Variants in WDTC1 observed in about 807,000 individuals in gnomAD.
The protein encoded by WDTC1 is WD and tetratricopeptide repeats 1.
WDTC1 carries 12 observed loss-of-function variants against 76.0 expected under a neutral mutation model. That is an observed-to-expected ratio of 0.16 (90% CI 0.10 to 0.26). The LOEUF (loss-of-function observed/expected upper bound fraction) is 0.26, where lower values mean the gene tolerates loss of function less well. Among genes scored for constraint, WDTC1 ranks in the 10% least tolerant of loss-of-function variants. WDTC1 has a pLI of 1.00. For synonymous variants in WDTC1, 326 were observed against 350.8 expected (o/e 0.93, Z 0.79); for missense variants, 511 against 908.8 (o/e 0.56, Z 5.63).
At chr1:27,296,194 C>A in intron 9 of WDTC1, 132 bp from the exon 10 acceptor site, 2 of 1,082,198 alleles carry the variant, frequency 1.8e-6, no homozygotes, top group Non-Finnish European at 2.8e-6. Flanking sequence ...CTTAGGATAG[C>A]TTGATTGTTC....
chr1:27,262,311 T>C (rs1407750837), intron 2 of WDTC1, among the ~76,000 whole-genome samples: 1 of 152,144 alleles, frequency 6.6e-6, no homozygotes, highest in African/African-American at 2.4e-5. Context: ...GGATTGAGTA[T>C]GTGCCTCTAC....
intron 3 of WDTC1, among the ~76,000 whole-genome samples, chr1:27,279,818 A>G (rs1233751676): frequency 3.9e-5 from 6 of 152,152 alleles, no homozygotes; most frequent in African/African-American, 1.4e-4. Flanking sequence ...CCTCCTGCCT[A>G]GCCTCCCAAA....
chr1:27,267,248 TC>T (rs996239044), intron 3 of WDTC1, among the ~76,000 whole-genome samples: 2 of 151,732 alleles, frequency 1.3e-5, no homozygotes, highest in Non-Finnish European at 2.9e-5. Flanking sequence ...TGGATTACTT[TC>T]TTTTTTTTTT....
Position 27,274,781 on chromosome 1 carries a change from G to A in WDTC1, c.133-7458G>A, listed in dbSNP as rs1444283502. On this transcript the variant is annotated intron_variant, in intron 3 of 15. Coordinates refer to ENST00000319394, the MANE Select transcript of WDTC1 (RefSeq NM_001276252.2). The surrounding 1 kb of genome is among the most constrained non-coding windows in gnomAD (Gnocchi z 4.2). ...TTGGGGAGTTGCTTGCTTTCATTTT[G>A]TATGTATTACCAGGGATCTCCCAAG... Among the ~76,000 whole-genome samples the A allele has an allele frequency of 6.6e-6, 1 of 152,030 alleles. No homozygotes were observed.
chr1:27,255,833 T>G (rs2012259247), intron 1 of WDTC1, among the ~76,000 whole-genome samples: 1 of 152,108 alleles, frequency 6.6e-6, no homozygotes, highest in Non-Finnish European at 1.5e-5. Context: ...CCTCCCAAAG[T>G]GCTCGGATTA....
rs1022149157 is a variant in WDTC1 at position 27,307,502 on chromosome 1, TC to T, written c.*1121del. 1 of 153,828 alleles carries T rather than the reference TC, an allele frequency of 6.5e-6. No homozygotes were observed. The highest frequency in any genetic ancestry group is 1.5e-5 in the Non-Finnish European group (1 of 68,866). 9.5% of individuals were successfully genotyped at this position (153,828 alleles called of 1,614,324 possible). Reference sequence around the variant, plus strand: ...CCAGCTGCTCCAGGTAGTTGGTTCATCCTTCCCCCTCTCTCCCTCCCTGCTT... The same window carrying T: ...CCAGCTGCTCCAGGTAGTTGGTTCATCTTCCCCCTCTCTCCCTCCCTGCTT... On this transcript the variant is annotated 3_prime_UTR_variant, in exon 16 of 16. Transcript: ENST00000319394. The surrounding 1 kb of genome is among the most constrained non-coding windows in gnomAD (Gnocchi z 4.1).
intron 1 of WDTC1, among the ~76,000 whole-genome samples, chr1:27,246,525 A>G (rs144035216): frequency 1.1e-3 from 174 of 151,710 alleles, no homozygotes; most frequent in Admixed American, 3.2e-3. Context: ...TGCTGCTCTG[A>G]GTATTCATGT....
chr1:27,247,762 A>G (rs971718210), intron 1 of WDTC1, among the ~76,000 whole-genome samples: 4 of 142,888 alleles, frequency 2.8e-5, no homozygotes, highest in Non-Finnish European at 6.0e-5. Context: ...CTTGTTGCCC[A>G]GCCTGGAGTG....
chr1:27,283,371 G>A lies in WDTC1; in HGVS notation c.213G>A (p.Thr71=). The A allele has an allele frequency of 6.2e-6, 10 of 1,613,728 alleles. No individual in the cohort carries two copies. The highest frequency in any genetic ancestry group is 1.6e-4 in the Middle Eastern group (1 of 6,062). ...LLASGSDDQH[T]IVWDPLHHKK... The stretch of plus-strand genomic sequence containing the variant: ...CCTCTGGTTCCGATGACCAGCACAC[G>A]ATTGTGTGGGACCCGCTGCACCACA... Residue 71 remains threonine (T), a synonymous_variant, in exon 5 of 16, where the codon ACG becomes ACA. Transcript: ENST00000319394.
At chr1:27,298,132 G>A (rs2013741027) in intron 12 of WDTC1, 21 bp downstream of exon 12, 2 of 1,567,842 alleles carry the variant, frequency 1.3e-6, no homozygotes, top group African/African-American at 2.7e-5. Context: ...ACTGCAGAGG[G>A]GATCTGGGTC....
intron 2 of WDTC1, among the ~76,000 whole-genome samples, chr1:27,262,479 C>T (rs745673936): frequency 6.6e-6 from 1 of 152,096 alleles, no homozygotes; most frequent in Non-Finnish European, 1.5e-5. Context: ...ACCTCCACCT[C>T]CCAGGTTCAA....
At chr1:27,279,767 A>G (rs577706858) in intron 3 of WDTC1, among the ~76,000 whole-genome samples, 3 of 152,208 alleles carry the variant, frequency 2.0e-5, no homozygotes, top group East Asian at 1.9e-4. Flanking sequence ...GCATCTCACT[A>G]TGTTGTCCAG....
intron 1 of WDTC1, among the ~76,000 whole-genome samples, chr1:27,237,080 C>CCGACCT (rs1298490968): frequency 6.6e-6 from 1 of 152,148 alleles, no homozygotes; most frequent in East Asian, 1.9e-4. Flanking sequence ...TCGTGATCCA[C>CCGACCT]CGACCTCGGC....
Position 27,306,420 on chromosome 1 carries a change from T to A in WDTC1, c.*37T>A. On this transcript the variant is annotated 3_prime_UTR_variant, in exon 16 of 16. Transcript: ENST00000319394. This position sits in a 1 kb window ranked among gnomAD's most constrained non-coding sequence, Gnocchi z 5.0. ...CTGGTCCCCAGCCCCTGCTACTGGC[T>A]GGACCCTCTGCCCTGGGCAGGAGGT... is the stretch of plus-strand genomic sequence containing the variant. 1 of 1,597,314 alleles carries A rather than the reference T, an allele frequency of 6.3e-7. No homozygotes were observed. Among genetic ancestry groups the A allele is most frequent in the South Asian group, 1.1e-5 (1 of 90,546 alleles).
At position 27,301,589 on chromosome 1, in the gene WDTC1, C is replaced by T; in HGVS notation, c.1468+128C>T. ...AGATGTTGATTCAGAAACCATGCAACTTTGGGGCAGTTACTTGGTGTCTCT... is the reference window on the plus strand; with the variant it reads ...AGATGTTGATTCAGAAACCATGCAATTTTGGGGCAGTTACTTGGTGTCTCT... On this transcript the variant is annotated intron_variant, in intron 13 of 15. Transcript: ENST00000319394. This position sits in a 1 kb window ranked among gnomAD's most constrained non-coding sequence, Gnocchi z 5.8. 9.3e-7 allele frequency: 1 copy of T among 1,074,232 alleles called. No homozygotes were observed. Among genetic ancestry groups the T allele is most frequent in the Non-Finnish European group, 1.3e-6 (1 of 748,754 alleles). 66.5% of individuals were successfully genotyped at this position (1,074,232 alleles called of 1,614,324 possible). A position where few individuals can be genotyped will look rare whatever the true frequency, so the allele number is the denominator to read the frequency against.
At chr1:27,252,084 G>A (rs1014005779) in intron 1 of WDTC1, among the ~76,000 whole-genome samples, 2 of 151,868 alleles carry the variant, frequency 1.3e-5, no homozygotes, top group Non-Finnish European at 2.9e-5. Context: ...GGTGGCTCAT[G>A]CCTGTAATCC....
Position 27,303,314 on chromosome 1 carries a change from C to T in WDTC1, c.1469-307C>T, listed in dbSNP as rs1252701498. On this transcript the variant is annotated intron_variant, in intron 13 of 15. Transcript: ENST00000319394. The surrounding 1 kb of genome is among the most constrained non-coding windows in gnomAD (Gnocchi z 4.8). Reference sequence around the variant, plus strand: ...TCTCTTTGCTAGTGCCTCACTCTACCCTCCCCTGCCTCTTACCTCCACAGA... The same window carrying T: ...TCTCTTTGCTAGTGCCTCACTCTACTCTCCCCTGCCTCTTACCTCCACAGA... 1.3e-5 allele frequency among the ~76,000 whole-genome samples: 2 copies of T among 152,050 alleles called. No individual in the cohort carries two copies. Among genetic ancestry groups the T allele is most frequent in the African/African-American group, 4.8e-5 (2 of 41,398 alleles).
chr1:27,253,810 C>T (rs2012181614), intron 1 of WDTC1, among the ~76,000 whole-genome samples: 2 of 152,114 alleles, frequency 1.3e-5, no homozygotes, highest in Non-Finnish European at 2.9e-5. Flanking sequence ...TTGATGTAGT[C>T]TTTTCTAGTG....
chr1:27,293,248 C>T (rs1160091767), intron 7 of WDTC1, among the ~76,000 whole-genome samples: 1 of 149,602 alleles, frequency 6.7e-6, no homozygotes, highest in African/African-American at 2.5e-5. Flanking sequence ...CTGGCTAACA[C>T]GGTGAAACCC....
Sources: gnomAD v4.1 joint callset for allele counts (sites outside exome capture counted in the v4.1 genomes callset) on GRCh38, gnomAD v4.1.1 for gene constraint, Gnocchi (gnomAD v3.1) non-coding constraint, MANE v1.5 for transcripts, NCBI Gene and HGNC (gene_info 2026-07-23, HGNC 2026-07-21) for gene names.